Variants in POMK observed in about 807,000 individuals in gnomAD.
POMK encodes the protein protein O-mannose kinase, also known as Sugen kinase 196.
A neutral mutation model predicts 23.0 loss-of-function variants in POMK; 19 were observed. The ratio of observed to expected loss-of-function variants is 0.83; its 90% CI spans 0.58 to 1.21. POMK has a LOEUF of 1.21. POMK is among the 50% of genes most tolerant of loss of function. The probability of loss-of-function intolerance (pLI) is 0.00; values close to 1 mark genes in which losing one functional copy is unlikely to be tolerated. For synonymous variants in POMK, 173 were observed against 171.6 expected (o/e 1.01, Z -0.06); for missense variants, 410 against 431.3 (o/e 0.95, Z 0.44).
chr8:43,119,184 G>C (rs986374126), intron 4 of POMK, among the ~76,000 whole-genome samples: 1 of 152,108 alleles, frequency 6.6e-6, no homozygotes, highest in African/African-American at 2.4e-5. Flanking sequence ...AATGGGCCTA[G>C]AAAACCAAAG....
At chr8:43,104,313 G>A (rs756476931) in intron 4 of POMK, among the ~76,000 whole-genome samples, 1 of 152,004 alleles carries the variant, frequency 6.6e-6, no homozygotes, top group South Asian at 2.1e-4. Flanking sequence ...GTAGAGATGG[G>A]GTTTCACCAT....
chr8:43,097,995 T>C (rs1362311228), intron 2 of POMK, among the ~76,000 whole-genome samples: 3 of 152,036 alleles, frequency 2.0e-5, no homozygotes, highest in African/African-American at 7.2e-5. Context: ...GTTACCTGGG[T>C]CTTTGGCAGA....
At chr8:43,106,124 G>C (rs1055287349) in intron 4 of POMK, among the ~76,000 whole-genome samples, 4 of 152,104 alleles carry the variant, frequency 2.6e-5, no homozygotes, top group Non-Finnish European at 5.9e-5. Context: ...GAGTATAAGC[G>C]TTCCCATTTC....
chr8:43,102,485 T>C lies in POMK; in HGVS notation c.-117-20T>C, dbSNP rs1010477472. 3 of 152,368 alleles carry C rather than the reference T, an allele frequency of 2.0e-5. No homozygotes were observed. Among genetic ancestry groups the C allele is most frequent in the African/African-American group, 7.2e-5 (3 of 41,458 alleles). The allele number at this position is 152,368 out of a possible 1,614,324, so 9.4% of individuals were successfully genotyped here. ...CTGCAGTTTCTGTTTACACACTTCC[T>C]GTTTGGTACTTTGTGGCAGGGTGTT... On this transcript the variant is annotated intron_variant, in intron 2 of 4. Transcript: ENST00000331373.
chr8:43,122,790 C>T lies in POMK; in HGVS notation c.966C>T (p.Pro322=), dbSNP rs755047768. The change falls in exon 5 of 5, where the codon CCC becomes CCT. Residue 322 remains proline, a synonymous_variant. Coordinates refer to ENST00000331373, the MANE Select transcript of POMK (RefSeq NM_032237.5). ...AGAGCCAGACTCCCTCAGAAAGACCCACTGCCCAGGACGTTCTGGAGACCT... is the reference window on the plus strand; with the variant it reads ...AGAGCCAGACTCCCTCAGAAAGACCTACTGCCCAGGACGTTCTGGAGACCT... The part of the protein sequence containing the change: ...ACKSQTPSER[P]TAQDVLETYQ... The T allele has an allele frequency of 6.2e-7, 1 of 1,614,116 alleles. No homozygotes were observed. The highest frequency in any genetic ancestry group is 1.1e-5 in the South Asian group (1 of 91,074).
intron 4 of POMK, 33 bp from the exon 5 acceptor site, chr8:43,122,074 T>C: frequency 6.3e-7 from 1 of 1,599,748 alleles, no homozygotes; most frequent in Non-Finnish European, 8.5e-7. Flanking sequence ...AGGTGAGAGT[T>C]CAGGCCTGAT....
chr8:43,104,230 C>T (rs1015243283), intron 4 of POMK, among the ~76,000 whole-genome samples: 1 of 151,918 alleles, frequency 6.6e-6, no homozygotes, highest in African/African-American at 2.4e-5. Flanking sequence ...TCAAGTGATT[C>T]TCGTGACTCA....
At chr8:43,119,433 CTTTTTTTTTTTTT>C (rs907663234) in intron 4 of POMK, among the ~76,000 whole-genome samples, 2 of 95,988 alleles carry the variant, frequency 2.1e-5, no homozygotes, top group African/African-American at 4.0e-5. Flanking sequence ...TGAAAAACAG[CTTTTTTTTTTTTT>C]TTTTTTTTTT....
intron 4 of POMK, among the ~76,000 whole-genome samples, chr8:43,115,796 A>C (rs4345607): frequency 0.25 from 38,788 of 152,144 alleles, 6,165 homozygotes; most frequent in South Asian, 0.35. Flanking sequence ...TCTGAGTAAA[A>C]GAGCCCTTGC....
chr8:43,103,963 A>G (rs974635918), intron 4 of POMK, 133 bp downstream of exon 4: 29 of 877,588 alleles, frequency 3.3e-5, no homozygotes, highest in Non-Finnish European at 4.8e-5. Context: ...TCCATTGCAT[A>G]TGTGCACCAC....
chr8:43,112,915 C>T (rs1461190771), intron 4 of POMK, among the ~76,000 whole-genome samples: 10 of 152,176 alleles, frequency 6.6e-5, no homozygotes, highest in African/African-American at 1.4e-4. Context: ...CTGAAGGAAG[C>T]GCTAAACATG....
intron 4 of POMK, among the ~76,000 whole-genome samples, chr8:43,108,909 C>T (rs1811594773): frequency 6.6e-6 from 1 of 152,204 alleles, no homozygotes; most frequent in African/African-American, 2.4e-5. Flanking sequence ...ACAGTTATTA[C>T]TGATGACATA....
In POMK at chr8:43,103,756, C is replaced by T. The variant is rs757819424; in HGVS notation, c.208C>T (p.Pro70Ser). The T allele has an allele frequency of 6.2e-7, 1 of 1,614,228 alleles. No individual in the cohort carries two copies. The highest frequency in any genetic ancestry group is 1.1e-5 in the South Asian group (1 of 91,092). ...GATAGGACAGATGAAAAACTGCTCA[C>T]CTTGGCTGTCCTGCGAGGAGCTGAG... ...FRIGQMKNCS[P>S]WLSCEELRTE... Residue 70 changes from proline to serine, a missense_variant, in exon 4 of 5, where the codon CCT becomes TCT. Pro to Ser is a moderately conservative substitution (Grantham distance 74, BLOSUM62 -1). Transcript: ENST00000331373.
At chr8:43,104,245 C>G (rs1034256704) in intron 4 of POMK, among the ~76,000 whole-genome samples, 4 of 152,008 alleles carry the variant, frequency 2.6e-5, no homozygotes, top group African/African-American at 9.7e-5. Context: ...GACTCAGCCT[C>G]CCGAGTAGCT....
intron 1 of POMK, among the ~76,000 whole-genome samples, chr8:43,096,511 T>C (rs755530416): frequency 4.6e-5 from 7 of 151,994 alleles, no homozygotes; most frequent in Non-Finnish European, 1.0e-4. Flanking sequence ...ATACTAAAAT[T>C]AGCTGGGCAT....
chr8:43,122,077 G>T, intron 4 of POMK, 30 bp from the exon 5 acceptor site: 1 of 1,604,282 alleles, frequency 6.2e-7, no homozygotes, highest in Non-Finnish European at 8.5e-7. Context: ...TGAGAGTTCA[G>T]GCCTGATGCT....
chr8:43,118,453 G>A (rs994513175), intron 4 of POMK, among the ~76,000 whole-genome samples: 4 of 152,190 alleles, frequency 2.6e-5, no homozygotes, highest in African/African-American at 7.2e-5. Context: ...AAAACTGGGG[G>A]CAGGGAGACA....
chr8:43,102,923 C>G (rs1811473680), intron 3 of POMK, among the ~76,000 whole-genome samples: 1 of 152,240 alleles, frequency 6.6e-6, no homozygotes, highest in African/African-American at 2.4e-5. Flanking sequence ...AGCTCATGTA[C>G]TTGTCAGCTC....
Position 43,122,323 on chromosome 8 carries a change from T to G in POMK, c.499T>G (p.Ser167Ala). ...LSNLEETLNL[S>A]KYQNVNTWQH... is the part of the protein sequence containing the mutation. The stretch of plus-strand genomic sequence containing the variant: ...TAACCTGGAAGAAACACTAAACCTT[T>G]CAAAGTACCAAAATGTGAACACGTG... The change falls in exon 5 of 5, where the codon TCA becomes GCA. Residue 167 changes from serine (S) to alanine (A), a missense_variant. Ser to Ala is a moderately conservative substitution (Grantham distance 99, BLOSUM62 1). Transcript: ENST00000331373. The G allele has an allele frequency of 6.2e-7, 1 of 1,614,134 alleles. No individual in the cohort carries two copies. The highest frequency in any genetic ancestry group is 8.5e-7 in the Non-Finnish European group (1 of 1,180,026).
Sources: allele counts gnomAD v4.1 joint callset (sites outside exome capture counted in the v4.1 genomes callset), GRCh38; gene constraint gnomAD v4.1.1; transcripts MANE v1.5; gene names NCBI Gene and HGNC (gene_info 2026-07-23, HGNC 2026-07-21).